KCNH2: variants seen among roughly 807,000 people sequenced by gnomAD.
KCNH2 encodes the protein voltage-gated inwardly rectifying potassium channel KCNH2.
Under a neutral mutation model 95.9 loss-of-function variants are expected in KCNH2, and 35 were observed. The ratio of observed to expected loss-of-function variants is 0.37; its 90% CI spans 0.28 to 0.48. The LOEUF (loss-of-function observed/expected upper bound fraction) is 0.48, where lower values mean the gene tolerates loss of function less well. KCNH2 is among the 20% of genes least tolerant of loss of function. The pLI, the probability that KCNH2 is intolerant of heterozygous loss-of-function variation, is 0.99. For synonymous variants in KCNH2, 786 were observed against 754.7 expected (o/e 1.04, Z -0.68); for missense variants, 1,274 against 1,702.9 (o/e 0.75, Z 4.43).
chr7:150,954,038 T>A (rs1485814824), intron 5 of KCNH2, among the ~76,000 whole-genome samples: 2 of 152,120 alleles, frequency 1.3e-5, no homozygotes, highest in Non-Finnish European at 2.9e-5. Context: ...AGGAAATAAC[T>A]AGAAGTCAAG....
chr7:150,960,387 T>G (rs1328398412), intron 2 of KCNH2, among the ~76,000 whole-genome samples: 3 of 152,136 alleles, frequency 2.0e-5, no homozygotes, highest in African/African-American at 7.2e-5. Context: ...TTCTCATGAG[T>G]TATAAAGATT....
intron 11 of KCNH2, among the ~76,000 whole-genome samples, chr7:150,948,139 G>C (rs1800988693): frequency 6.6e-6 from 1 of 152,208 alleles, no homozygotes; most frequent in African/African-American, 2.4e-5. Context: ...CCCATCGTTG[G>C]CTCCCTGGCC....
At chr7:150,971,061 G>A (rs1801827989) in intron 2 of KCNH2, among the ~76,000 whole-genome samples, 1 of 152,208 alleles carries the variant, frequency 6.6e-6, no homozygotes, top group African/African-American at 2.4e-5. Flanking sequence ...AGGCGTGGTG[G>A]TGACAAGAGC....
rs1274452312 is a variant in KCNH2 at position 150,945,352 on chromosome 7, C to A, written c.*13G>T. The A allele has an allele frequency of 2.5e-6, 4 of 1,582,756 alleles. No homozygotes were observed. The highest frequency in any genetic ancestry group is 1.2e-5 in the South Asian group (1 of 86,688). The stretch of plus-strand genomic sequence containing the variant: ...TCCCTGGGTGAGCCACGTGTCCACA[C>A]TGGGCAGCCCCACTAACTGCCCGGG... On this transcript the variant is annotated 3_prime_UTR_variant, in exon 15 of 15. Transcript: ENST00000262186. This position sits in a 1 kb window ranked among gnomAD's most constrained non-coding sequence, Gnocchi z 5.6.
At chr7:150,974,103 A>G in intron 2 of KCNH2, among the ~76,000 whole-genome samples, 1 of 152,206 alleles carries the variant, frequency 6.6e-6, no homozygotes, top group Non-Finnish European at 1.5e-5. Context: ...CTGGCGCAGG[A>G]GAGGGTGGCA....
intron 5 of KCNH2, among the ~76,000 whole-genome samples, chr7:150,955,100 T>G (rs1365152085): frequency 3.3e-5 from 5 of 152,156 alleles, no homozygotes; most frequent in African/African-American, 4.8e-5. Context: ...CCACCATCTC[T>G]CTGGGCACCC....
chr7:150,947,187 G>C lies in KCNH2; in HGVS notation c.3153-133C>G. 2.7e-6 allele frequency: 3 copies of C among 1,099,130 alleles called. No homozygotes were observed. In the African/African-American group the frequency reaches 4.7e-5, roughly 17 times the overall value. 68.1% of individuals were successfully genotyped at this position (1,099,130 alleles called of 1,614,324 possible). On this transcript the variant is annotated intron_variant, in intron 13 of 14. Transcript: ENST00000262186. ...GGCCCTCCGCGCTAGAGGTGTGGCA[G>C]CCCCCAGCTGGGCTAGGAATGGAAG...
At chr7:150,966,381 T>TC (rs1175607435) in intron 2 of KCNH2, among the ~76,000 whole-genome samples, 174 of 36,924 alleles carry the variant, frequency 4.7e-3, no homozygotes, top group Non-Finnish European at 6.4e-3. Context: ...ATTTGCCCCC[T>TC]CCCCCCCCCC....
In KCNH2 at chr7:150,966,391, CCACACA is replaced by C. The variant is rs770069016; in HGVS notation, c.308-6661_308-6656del. Among the ~76,000 whole-genome samples the C allele has an allele frequency of 2.9e-3, 218 of 75,950 alleles. 4 individuals are homozygous for C. Among genetic ancestry groups the C allele is most frequent in the African/African-American group, 0.016 (194 of 11,840 alleles). The allele number at this position is 75,950 out of a possible 152,430, so 49.8% of individuals were successfully genotyped here. On this transcript the variant is annotated intron_variant, in intron 2 of 14. Transcript: ENST00000262186. The stretch of plus-strand genomic sequence containing the variant: ...CATTGATTTGCCCCCTCCCCCCCCC[CCACACA>C]CACACACACACAGGACACTGTGAAG...
At chr7:150,957,901 AGC>A (rs1249744610) in intron 4 of KCNH2, among the ~76,000 whole-genome samples, 156 bp downstream of exon 4, 1 of 152,236 alleles carries the variant, frequency 6.6e-6, no homozygotes, top group African/African-American at 2.4e-5. Flanking sequence ...TAGCGCAACA[AGC>A]CACTTAATGG....
chr7:150,959,820 A>G, intron 2 of KCNH2, 84 bp from the exon 3 acceptor site: 1 of 1,503,836 alleles, frequency 6.6e-7, no homozygotes, highest in Non-Finnish European at 9.2e-7. Flanking sequence ...CTGGAACCCA[A>G]GTGGGCCCGT....
Position 150,966,375 on chromosome 7 carries a change from G to T in KCNH2, c.308-6639C>A, listed in dbSNP as rs1228731559. Among the ~76,000 whole-genome samples, 35 of 40,068 alleles carry T rather than the reference G, an allele frequency of 8.7e-4. No individual in the cohort carries two copies. The East Asian group carries it at 0.038, about 44-fold the overall frequency. The allele number at this position is 40,068 out of a possible 152,430, so 26.3% of individuals were successfully genotyped here. A position where few individuals can be genotyped will look rare whatever the true frequency, so the allele number is the denominator to read the frequency against. On this transcript the variant is annotated intron_variant, in intron 2 of 14. Transcript: ENST00000262186. ...AAGAGTTATAATTCCTCATTGATTT[G>T]CCCCCTCCCCCCCCCCCACACACAC...
chr7:150,948,018 T>C, intron 11 of KCNH2, 140 bp from the exon 12 acceptor site: 1 of 1,066,714 alleles, frequency 9.4e-7, no homozygotes, highest in South Asian at 1.7e-5. Context: ...TCTTCTGCTA[T>C]CTTGCACCCA....
rs550576478 is a variant in KCNH2, at chr7:150,949,605, T to C, written c.2399-556A>G. On this transcript the variant is annotated intron_variant, in intron 9 of 14. Transcript: ENST00000262186. Reference sequence around the variant, plus strand: ...AAACAAAGTCTAAAATGTCCTACCATCAACTATGGTCGAAAGAGCTTGCTA... The same window carrying C: ...AAACAAAGTCTAAAATGTCCTACCACCAACTATGGTCGAAAGAGCTTGCTA... 4.4e-5 allele frequency: 48 copies of C among 1,082,084 alleles called. No individual in the cohort carries two copies. In the East Asian group the frequency reaches 2.8e-3, roughly 62 times the overall value. The allele number at this position is 1,082,084 out of a possible 1,614,324, so 67.0% of individuals were successfully genotyped here.
chr7:150,969,787 C>T (rs995918774), intron 2 of KCNH2, among the ~76,000 whole-genome samples: 8 of 152,178 alleles, frequency 5.3e-5, no homozygotes, highest in Non-Finnish European at 2.9e-5. Context: ...CTGCAGGAGG[C>T]GGAGGACCAA....
At chr7:150,970,861 C>G (rs937718274) in intron 2 of KCNH2, among the ~76,000 whole-genome samples, 3 of 152,200 alleles carry the variant, frequency 2.0e-5, no homozygotes, top group African/African-American at 7.2e-5. Flanking sequence ...TGGGATCGCT[C>G]TGGTCTGCCT....
rs1554428530 is a variant in KCNH2, at chr7:150,961,308, T to TTC, written c.308-1573_308-1572insGA. Among the ~76,000 whole-genome samples, 34 of 149,026 alleles carry TTC rather than the reference T, an allele frequency of 2.3e-4. No individual in the cohort carries two copies. Among genetic ancestry groups the TTC allele is most frequent in the East Asian group, 1.2e-3 (6 of 5,030 alleles). On this transcript the variant is annotated intron_variant, in intron 2 of 14. Transcript: ENST00000262186. This position sits in a 1 kb window ranked among gnomAD's most constrained non-coding sequence, Gnocchi z 6.2. ...ACCCAGCCTCACTTTTTTTTTTTTT[T>TTC]TTTTTCTGAGACAGGGTTTCACTCT...
chr7:150,955,714 C>T lies in KCNH2; in HGVS notation c.1128+1577G>A, dbSNP rs919443338. On this transcript the variant is annotated intron_variant, in intron 5 of 14. Transcript: ENST00000262186. The stretch of plus-strand genomic sequence containing the variant: ...GCAGTAAGCGTGGGCAGCAGCCTGC[C>T]TGGCTCGAGCTGCCCATGGCCCCGT... 16 of 1,342,278 alleles carry T rather than the reference C, an allele frequency of 1.2e-5. No homozygotes were observed. In the African/African-American group the frequency reaches 2.3e-4, roughly 19 times the overall value. The allele number at this position is 1,342,278 out of a possible 1,614,324, so 83.1% of individuals were successfully genotyped here.
intron 2 of KCNH2, among the ~76,000 whole-genome samples, chr7:150,963,817 G>C (rs1801632003): frequency 6.6e-6 from 1 of 152,302 alleles, no homozygotes; most frequent in South Asian, 2.1e-4. Flanking sequence ...CACCTAGCAG[G>C]CCTCCAGAGG....
Sources: allele counts gnomAD v4.1 joint callset (sites outside exome capture counted in the v4.1 genomes callset), GRCh38; gene constraint gnomAD v4.1.1; non-coding constraint Gnocchi (gnomAD v3.1); transcripts MANE v1.5; gene names NCBI Gene and HGNC (gene_info 2026-07-23, HGNC 2026-07-21).